The following CYBRD1 variants were observed in gnomAD, a reference collection of about 807,000 sequenced individuals.
The protein encoded by CYBRD1 is cytochrome b reductase 1, also known as plasma membrane ascorbate-dependent reductase CYBRD1.
CYBRD1 carries 14 observed loss-of-function variants against 21.9 expected under a neutral mutation model. The observed-to-expected ratio is 0.64, with a 90% CI of 0.42 to 1.00. The LOEUF (loss-of-function observed/expected upper bound fraction) is 1.00. Among genes scored for constraint, CYBRD1 ranks in the 50% least tolerant of loss-of-function variants. The pLI is 0.00. For synonymous variants in CYBRD1, 146 were observed against 136.5 expected, an observed-to-expected ratio of 1.07 and a Z score of -0.48; for missense variants, 328 against 352.5, an observed-to-expected ratio of 0.93 and a Z score of 0.56.
rs1207888466 is a variant in CYBRD1 at position 171,530,664 on chromosome 2, A to G, written c.193+7926A>G. ...GTTGCCAGGGCTTCTCATTCTCCCG[A>G]GAGAATCCAGGTTTTTAAAAAATTG... On this transcript the variant is annotated intron_variant, in intron 1 of 3. Transcript: ENST00000321348. Among the ~76,000 whole-genome samples the G allele has an allele frequency of 4.6e-5, 7 of 152,162 alleles. No individual in the cohort carries two copies. In the East Asian group the frequency reaches 1.3e-3, roughly 29 times the overall value.
intron 2 of CYBRD1, among the ~76,000 whole-genome samples, chr2:171,545,138 C>CAAA (rs761208882): frequency 1.5e-5 from 1 of 68,800 alleles, no homozygotes; most frequent in Non-Finnish European, 2.8e-5. Flanking sequence ...GACCCTGTCT[C>CAAA]AAAAAAAAAA....
Position 171,554,858 on chromosome 2 carries a change from A to G in CYBRD1, c.*31A>G, listed in dbSNP as rs1463335864. 1 of 1,608,500 alleles carries G rather than the reference A, an allele frequency of 6.2e-7. No individual in the cohort carries two copies. The highest frequency in any genetic ancestry group is 1.7e-5 in the Admixed American group (1 of 59,966). ...TGTAGAGATAGAGCCATATAACGTCACGTTTCAAAACTAGCTCTACAGTTT... is the reference window on the plus strand; with the variant it reads ...TGTAGAGATAGAGCCATATAACGTCGCGTTTCAAAACTAGCTCTACAGTTT... On this transcript the variant is annotated 3_prime_UTR_variant, in exon 4 of 4. Coordinates refer to ENST00000321348, the MANE Select transcript of CYBRD1 (RefSeq NM_024843.4).
chr2:171,536,881 G>C (rs1196810215), intron 1 of CYBRD1, among the ~76,000 whole-genome samples: 1 of 151,510 alleles, frequency 6.6e-6, no homozygotes, highest in East Asian at 1.9e-4. Context: ...TTTTTTTTCT[G>C]TATGTAGATG....
chr2:171,527,919 G>T (rs944997897), intron 1 of CYBRD1, among the ~76,000 whole-genome samples: 1 of 151,804 alleles, frequency 6.6e-6, no homozygotes, highest in Non-Finnish European at 1.5e-5. Context: ...TCTCGAGCCG[G>T]TTCCAATTAG....
chr2:171,547,388 G>A (rs1372220513), intron 2 of CYBRD1, among the ~76,000 whole-genome samples: 4 of 151,884 alleles, frequency 2.6e-5, no homozygotes. Flanking sequence ...AGACAGAGAG[G>A]GTGACAATTG....
chr2:171,555,816 A>G lies in CYBRD1; in HGVS notation c.*989A>G, dbSNP rs1296453772. The G allele has an allele frequency of 6.6e-6, 1 of 152,160 alleles. No homozygotes were observed. The highest frequency in any genetic ancestry group is 1.5e-5 in the Non-Finnish European group (1 of 68,052). 9.4% of individuals were successfully genotyped at this position (152,160 alleles called of 1,614,324 possible). A position where few individuals can be genotyped will look rare whatever the true frequency, so the allele number is the denominator to read the frequency against. On this transcript the variant is annotated 3_prime_UTR_variant, in exon 4 of 4. Coordinates refer to ENST00000321348, the MANE Select transcript of CYBRD1 (RefSeq NM_024843.4). ...CTGGGGAGGCTAGTAACTCACCCCA[A>G]GGTCACACGGCTCATACATGGTGGG... is the stretch of plus-strand genomic sequence containing the variant.
chr2:171,533,299 C>T (rs543221753), intron 1 of CYBRD1, among the ~76,000 whole-genome samples: 4 of 151,872 alleles, frequency 2.6e-5, no homozygotes, highest in South Asian at 2.1e-4. Context: ...CCCGGGAATC[C>T]GAGGTTGCAG....
At chr2:171,548,790 C>G (rs1030194530) in intron 2 of CYBRD1, among the ~76,000 whole-genome samples, 8 of 129,282 alleles carry the variant, frequency 6.2e-5, no homozygotes, top group Non-Finnish European at 5.0e-5. Flanking sequence ...AAAAAGAAAA[C>G]AAAAGAAAAG....
chr2:171,553,645 G>A (rs1683426820), intron 3 of CYBRD1, 145 bp downstream of exon 3: 1 of 661,034 alleles, frequency 1.5e-6, no homozygotes, highest in Non-Finnish European at 2.1e-6. Context: ...ATATCATATA[G>A]GTAATATGAT....
chr2:171,524,300 C>G lies in CYBRD1; in HGVS notation c.193+1562C>G, dbSNP rs539282172. The stretch of plus-strand genomic sequence containing the variant: ...TATGCTTATAAGAAAAAAACATACT[C>G]AAGTTCCAAAGTAACTGTCAGAAGC... On this transcript the variant is annotated intron_variant, in intron 1 of 3. Transcript: ENST00000321348. Among the ~76,000 whole-genome samples, 249 of 152,310 alleles carry G rather than the reference C, an allele frequency of 1.6e-3. 3 individuals are homozygous for G. The highest frequency in any genetic ancestry group is 2.3e-3 in the South Asian group (11 of 4,824).
intron 2 of CYBRD1, among the ~76,000 whole-genome samples, chr2:171,543,466 C>T (rs1016382651): frequency 6.6e-6 from 1 of 152,130 alleles, no homozygotes; most frequent in Non-Finnish European, 1.5e-5. Context: ...TCTGACTTCT[C>T]CTTCTCCTTC....
chr2:171,550,101 A>T (rs956472083), intron 2 of CYBRD1, among the ~76,000 whole-genome samples: 2 of 151,902 alleles, frequency 1.3e-5, no homozygotes, highest in Admixed American at 6.6e-5. Context: ...TTTATTTTTT[A>T]TTTTTTTGTT....
chr2:171,537,309 A>G (rs1028273172), intron 1 of CYBRD1, among the ~76,000 whole-genome samples: 5 of 152,214 alleles, frequency 3.3e-5, no homozygotes, highest in African/African-American at 1.2e-4. Flanking sequence ...TGTAGATAAA[A>G]GTTCACTAGG....
intron 2 of CYBRD1, among the ~76,000 whole-genome samples, chr2:171,545,074 G>A (rs1177272346): frequency 6.6e-6 from 1 of 151,064 alleles, no homozygotes; most frequent in Non-Finnish European, 1.5e-5. Context: ...GGGAGGTCAA[G>A]GCTGCAGTGA....
chr2:171,541,780 G>A lies in CYBRD1; in HGVS notation c.389G>A (p.Cys130Tyr). 1.9e-6 allele frequency: 3 copies of A among 1,612,464 alleles called. No individual in the cohort carries two copies. The highest frequency in any genetic ancestry group is 2.5e-6 in the Non-Finnish European group (3 of 1,179,622). ...TGGGTTGGACTGATAGCTGTCATAT[G>A]CTATTTGTTACAGGTCAGTATTTCA... The part of the protein sequence containing the change: ...HSWVGLIAVI[C>Y]YLLQLLSGFS... Residue 130 changes from cysteine to tyrosine, a missense_variant, in exon 2 of 4, where the codon TGC becomes TAC. Transcript: ENST00000321348.
intron 2 of CYBRD1, among the ~76,000 whole-genome samples, chr2:171,551,533 T>G (rs1156983915): frequency 1.3e-5 from 2 of 152,252 alleles, no homozygotes; most frequent in Non-Finnish European, 2.9e-5. Flanking sequence ...TGGCTATTCT[T>G]GGCCCTTTGA....
intron 1 of CYBRD1, among the ~76,000 whole-genome samples, chr2:171,538,470 A>G (rs1180416946): frequency 6.6e-6 from 1 of 152,214 alleles, no homozygotes; most frequent in Non-Finnish European, 1.5e-5. Context: ...ATTTGAAAAG[A>G]TTCCTTGAAT....
intron 1 of CYBRD1, among the ~76,000 whole-genome samples, chr2:171,529,894 C>G (rs1189102006): frequency 6.6e-6 from 1 of 152,156 alleles, no homozygotes; most frequent in Non-Finnish European, 1.5e-5. Context: ...AATCCTAATC[C>G]CAGGTATCCA....
Position 171,554,870 on chromosome 2 carries a change from T to C in CYBRD1, c.*43T>C. 6.2e-7 allele frequency: 1 copy of C among 1,602,078 alleles called. No individual in the cohort carries two copies. Among genetic ancestry groups the C allele is most frequent in the Non-Finnish European group, 8.5e-7 (1 of 1,172,046 alleles). On this transcript the variant is annotated 3_prime_UTR_variant, in exon 4 of 4. Coordinates refer to ENST00000321348, the MANE Select transcript of CYBRD1 (RefSeq NM_024843.4). ...GCCATATAACGTCACGTTTCAAAAC[T>C]AGCTCTACAGTTTTGCTTCTCCTAT...
Sources: allele counts gnomAD v4.1 joint callset (sites outside exome capture counted in the v4.1 genomes callset), GRCh38; gene constraint gnomAD v4.1.1; transcripts MANE v1.5; gene names NCBI Gene and HGNC (gene_info 2026-07-23, HGNC 2026-07-21).